The following SELENBP1 variants were observed in gnomAD, a reference collection of about 807,000 sequenced individuals.
The protein encoded by SELENBP1 is selenium binding protein 1, also known as methanethiol oxidase.
SELENBP1 carries 71 observed loss-of-function variants against 61.0 expected under a neutral mutation model. The observed-to-expected ratio is 1.16, with a 90% CI of 0.96 to 1.42. The LOEUF (loss-of-function observed/expected upper bound fraction) is 1.42. SELENBP1 is among the 40% of genes most tolerant of loss of function. The probability of loss-of-function intolerance (pLI) is 0.00; values close to 1 mark genes in which losing one functional copy is unlikely to be tolerated. For missense variants in SELENBP1, 561 were observed against 605.0 expected, an observed-to-expected ratio of 0.93 and a Z score of 0.76; for synonymous variants, 270 against 238.9, an observed-to-expected ratio of 1.13 and a Z score of -1.20.
chr1:151,366,075 A>G (rs1651798348), intron 7 of SELENBP1, 200 bp downstream of exon 7: 2 of 760,582 alleles, frequency 2.6e-6, no homozygotes, highest in Non-Finnish European at 4.3e-6. Context: ...ACATTCACTA[A>G]GTAGTTTTTG....
In SELENBP1 at chr1:151,368,289, A is replaced by G; in HGVS notation, c.391T>C (p.Cys131Arg). ...CTGGTGTGGAGAAAGGCCAGTTCGCACTTGGCATGGATGTCCTTGGGCTCA... is the reference window on the plus strand; with the variant it reads ...CTGGTGTGGAGAAAGGCCAGTTCGCGCTTGGCATGGATGTCCTTGGGCTCA... ...VIEPKDIHAKCELAFLHTSHC... is the reference protein window; with the variant it reads ...VIEPKDIHAKRELAFLHTSHC... Residue 131 changes from cysteine (C) to arginine (R), a missense_variant, in exon 5 of 12, where the codon TGC becomes CGC. Coordinates refer to ENST00000368868, the MANE Select transcript of SELENBP1 (RefSeq NM_003944.4). 1 of 1,614,170 alleles carries G rather than the reference A, an allele frequency of 6.2e-7. No homozygotes were observed. Among genetic ancestry groups the G allele is most frequent in the Non-Finnish European group, 8.5e-7 (1 of 1,180,038 alleles).
chr1:151,372,192 G>C (rs1018788931), intron 1 of SELENBP1, among the ~76,000 whole-genome samples: 3 of 152,064 alleles, frequency 2.0e-5, no homozygotes, highest in Non-Finnish European at 4.4e-5. Flanking sequence ...TTGCTGTGTG[G>C]AGTAGCTAGA....
intron 7 of SELENBP1, 140 bp from the exon 8 acceptor site, chr1:151,365,986 T>C: frequency 1.1e-6 from 1 of 906,832 alleles, no homozygotes; most frequent in Non-Finnish European, 1.7e-6. Context: ...AGGATCTAAC[T>C]CCATGCAAGC....
At chr1:151,365,437 A>G (rs535036247) in intron 9 of SELENBP1, 126 bp downstream of exon 9, 7 of 1,530,372 alleles carry the variant, frequency 4.6e-6, no homozygotes, top group Non-Finnish European at 5.3e-6. Flanking sequence ...GCTGTCCCAC[A>G]GCACACATGT....
In SELENBP1 at chr1:151,368,322, G is replaced by A. The variant is rs773407651; in HGVS notation, c.361-3C>T. ...TGGATGTCCTTGGGCTCAATGACCTGGAAGGGGTGGGGAATGGTGTCAGAA... is the reference window on the plus strand; with the variant it reads ...TGGATGTCCTTGGGCTCAATGACCTAGAAGGGGTGGGGAATGGTGTCAGAA... On this transcript the variant is annotated splice_polypyrimidine_tract_variant and splice_region_variant and intron_variant, in intron 4 of 11. Transcript: ENST00000368868. 3 of 1,614,020 alleles carry A rather than the reference G, an allele frequency of 1.9e-6. No individual in the cohort carries two copies. The Middle Eastern group carries it at 5.0e-4, about 266-fold the overall frequency.
At position 151,368,311 on chromosome 1, in the gene SELENBP1, C is replaced by T. The variant is rs776536502; in HGVS notation, c.369G>A (p.Glu123=). 4.3e-6 allele frequency: 7 copies of T among 1,614,054 alleles called. No homozygotes were observed. Among genetic ancestry groups the T allele is most frequent in the Non-Finnish European group, 1.7e-6 (2 of 1,180,018 alleles). Residue 123 remains glutamate (E), a synonymous_variant, in exon 5 of 12, where the codon GAG becomes GAA. Transcript: ENST00000368868. ...PRAPKLHKVI[E]PKDIHAKCEL... ...CGCACTTGGCATGGATGTCCTTGGG[C>T]TCAATGACCTGGAAGGGGTGGGGAA...
chr1:151,368,763 C>T (rs1327781747), intron 4 of SELENBP1, among the ~76,000 whole-genome samples: 1 of 152,198 alleles, frequency 6.6e-6, no homozygotes, highest in Non-Finnish European at 1.5e-5. Flanking sequence ...CCCTCCCTCT[C>T]TCAGAGTAAA....
At chr1:151,366,140 G>T in intron 7 of SELENBP1, 135 bp downstream of exon 7, 1 of 1,094,384 alleles carries the variant, frequency 9.1e-7, no homozygotes, top group Non-Finnish European at 1.3e-6. Flanking sequence ...CCCTAGCACT[G>T]AGAGAAGAGA....
chr1:151,365,752 T>C lies in SELENBP1; in HGVS notation c.922+16A>G, dbSNP rs1651783269. ...CCCAGGCCAAGAATCAACTTTCCTA[T>C]GCCCTAGGCACTCACCTGGCATTTC... On this transcript the variant is annotated intron_variant, in intron 8 of 11. Transcript: ENST00000368868. 6.2e-7 allele frequency: 1 copy of C among 1,614,030 alleles called. No individual in the cohort carries two copies. Among genetic ancestry groups the C allele is most frequent in the Admixed American group, 1.7e-5 (1 of 59,994 alleles).
At chr1:151,367,084 A>T in intron 5 of SELENBP1, 180 bp from the exon 6 acceptor site, 1 of 1,407,772 alleles carries the variant, frequency 7.1e-7, no homozygotes, top group South Asian at 1.6e-5. Context: ...GGCTCATGCC[A>T]GTAATCCCAG....
rs1243117553 is a variant in SELENBP1 at position 151,365,804 on chromosome 1, T to TG, written c.885dup (p.Lys296GlnfsTer41). On this transcript the variant is annotated frameshift_variant, in exon 8 of 12. Coordinates refer to ENST00000368868, the MANE Select transcript of SELENBP1 (RefSeq NM_003944.4). LOFTEE classifies it high-confidence loss of function. ...GGCAGCAGCCAGCCCTTCACTTTCT[T>TG]GGGGGGCACCTGGATCACCTTCTCC... The TG allele has an allele frequency of 1.2e-6, 2 of 1,614,102 alleles. No homozygotes were observed. Among genetic ancestry groups the TG allele is most frequent in the African/African-American group, 1.3e-5 (1 of 75,024 alleles).
At chr1:151,371,710 G>A (rs892015120) in intron 1 of SELENBP1, among the ~76,000 whole-genome samples, 4 of 152,312 alleles carry the variant, frequency 2.6e-5, no homozygotes, top group Middle Eastern at 3.4e-3. Context: ...AAGCTAGGGA[G>A]AAGCTGAGAG....
At position 151,366,707 on chromosome 1, in the gene SELENBP1, T is replaced by TG. The variant is rs1322350120; in HGVS notation, c.664+14dup. ...TAGGCCCAAGGCTCCTGCTGGCACATGGGGGGATTCTCACCAGCCTCCACA... is the reference window on the plus strand; with the variant it reads ...TAGGCCCAAGGCTCCTGCTGGCACATGGGGGGGATTCTCACCAGCCTCCACA... On this transcript the variant is annotated intron_variant, in intron 6 of 11. Transcript: ENST00000368868. The TG allele has an allele frequency of 1.2e-6, 2 of 1,610,668 alleles. No individual in the cohort carries two copies. Among genetic ancestry groups the TG allele is most frequent in the African/African-American group, 1.3e-5 (1 of 74,774 alleles).
rs763850437 is a variant in SELENBP1 at position 151,365,779 on chromosome 1, GGCA to G, written c.908_910del (p.Leu303del). On this transcript the variant is annotated inframe_deletion, in exon 8 of 12. Coordinates refer to ENST00000368868, the MANE Select transcript of SELENBP1 (RefSeq NM_003944.4). Reference sequence around the variant, plus strand: ...CCCTAGGCACTCACCTGGCATTTCGGGCAGCAGCCAGCCCTTCACTTTCTTGGG... The same window carrying G: ...CCCTAGGCACTCACCTGGCATTTCGGGCAGCCAGCCCTTCACTTTCTTGGG... The G allele has an allele frequency of 9.9e-6, 16 of 1,613,952 alleles. No homozygotes were observed. Among genetic ancestry groups the G allele is most frequent in the Admixed American group, 1.7e-5 (1 of 59,996 alleles).
At chr1:151,369,334 G>T in intron 3 of SELENBP1, 108 bp downstream of exon 3, 2 of 1,414,156 alleles carry the variant, frequency 1.4e-6, no homozygotes, top group Middle Eastern at 2.3e-4. Context: ...GCGTGCACAA[G>T]CATCCCCAGG....
intron 1 of SELENBP1, 27 bp downstream of exon 1, chr1:151,372,611 T>C (rs1033239879): frequency 1.2e-6 from 2 of 1,614,120 alleles, no homozygotes; most frequent in Non-Finnish European, 1.7e-6. Flanking sequence ...GAGCAGGCAA[T>C]GGGTGATTGG....
chr1:151,366,265 C>T lies in SELENBP1; in HGVS notation c.843+10G>A, dbSNP rs539358067. 2.1e-4 allele frequency: 334 copies of T among 1,610,314 alleles called. 2 individuals carry two copies. Among genetic ancestry groups the T allele is most frequent in the East Asian group, 1.1e-3 (51 of 44,840 alleles). On this transcript the variant is annotated intron_variant, in intron 7 of 11. Coordinates refer to ENST00000368868, the MANE Select transcript of SELENBP1 (RefSeq NM_003944.4). Reference sequence around the variant, plus strand: ...CTACTGGGAGGGGAGGGCCAGAGGGCGTATGTCACCTCGTTCTTGTAGAAG... The same window carrying T: ...CTACTGGGAGGGGAGGGCCAGAGGGTGTATGTCACCTCGTTCTTGTAGAAG...
chr1:151,369,855 G>A (rs1489276829), intron 1 of SELENBP1, 86 bp from the exon 2 acceptor site: 26 of 1,551,404 alleles, frequency 1.7e-5, no homozygotes, highest in Admixed American at 3.9e-5. Flanking sequence ...ACATCCCAGC[G>A]GGCCACGGCA....
rs1651717135 is a variant in SELENBP1, at chr1:151,364,924, A to G, written c.1256+2T>C. 2 of 1,612,570 alleles carry G rather than the reference A, an allele frequency of 1.2e-6. No individual in the cohort carries two copies. Among genetic ancestry groups the G allele is most frequent in the Non-Finnish European group, 1.7e-6 (2 of 1,178,836 alleles). On this transcript the variant is annotated splice_donor_variant, in intron 11 of 11. Coordinates refer to ENST00000368868, the MANE Select transcript of SELENBP1 (RefSeq NM_003944.4). LOFTEE classifies it high-confidence loss of function. ...AGGAGAGCCCATGTGTCTGCTTCTC[A>G]CCTGATGAGATCAGGGTAAAACTGC...
Sources: gnomAD v4.1 joint callset for allele counts (sites outside exome capture counted in the v4.1 genomes callset) on GRCh38, gnomAD v4.1.1 for gene constraint, MANE v1.5 for transcripts, NCBI Gene and HGNC (gene_info 2026-07-23, HGNC 2026-07-21) for gene names.